Variants in MIB1 observed in about 807,000 individuals in gnomAD.
MIB1 encodes MIB E3 ubiquitin protein ligase 1.
A neutral mutation model predicts 124.5 loss-of-function variants in MIB1; 278 were observed. The observed-to-expected ratio is 2.23, with a 90% confidence interval of 2.02 to 2.47. The LOEUF is 2.47. Among genes scored for constraint, MIB1 ranks in the 30% most tolerant of loss-of-function variants. The pLI is 0.00. For synonymous variants in MIB1, 446 were observed against 429.4 expected (o/e 1.04, Z -0.48); for missense variants, 957 against 1,254.4 (o/e 0.76, Z 3.58).
At chr18:21,818,841 A>G (rs1025520958) in intron 11 of MIB1, among the ~76,000 whole-genome samples, 4 of 152,152 alleles carry the variant, frequency 2.6e-5, no homozygotes, top group African/African-American at 7.2e-5. Context: ...AGGCTGAGGC[A>G]GGAGAATCGC....
chr18:21,832,576 T>A (rs1476185703), intron 12 of MIB1, among the ~76,000 whole-genome samples: 1 of 152,170 alleles, frequency 6.6e-6, no homozygotes, highest in Non-Finnish European at 1.5e-5. Context: ...AGCTATACCT[T>A]GTTTTTTAAT....
At position 21,849,402 on chromosome 18, in the gene MIB1, A is replaced by C. The variant is rs2042163294; in HGVS notation, c.2586+14A>C. Reference sequence around the variant, plus strand: ...TCCAGGACAAAGGTAAGATATATTTAATATAGTATTTTGTCATTTTATGAA... The same window carrying C: ...TCCAGGACAAAGGTAAGATATATTTCATATAGTATTTTGTCATTTTATGAA... On this transcript the variant is annotated intron_variant, in intron 17 of 20. Coordinates refer to ENST00000261537, the MANE Select transcript of MIB1 (RefSeq NM_020774.4). The C allele has an allele frequency of 2.0e-6, 3 of 1,483,848 alleles. No individual in the cohort carries two copies. Among genetic ancestry groups the C allele is most frequent in the Non-Finnish European group, 2.7e-6 (3 of 1,097,236 alleles). 91.9% of individuals were successfully genotyped at this position (1,483,848 alleles called of 1,614,324 possible). A position where few individuals can be genotyped will look rare whatever the true frequency, so the allele number is the denominator to read the frequency against.
chr18:21,848,266 AC>A (rs2042151608), intron 16 of MIB1, among the ~76,000 whole-genome samples: 1 of 151,914 alleles, frequency 6.6e-6, no homozygotes, highest in South Asian at 2.1e-4. Flanking sequence ...GACCAGCCTG[AC>A]TAACATGGTG....
chr18:21,728,164 G>A (rs996673796), intron 1 of MIB1, among the ~76,000 whole-genome samples: 1 of 152,132 alleles, frequency 6.6e-6, no homozygotes, highest in African/African-American at 2.4e-5. Flanking sequence ...TCTCTTATCA[G>A]CAATTAAATA....
intron 13 of MIB1, among the ~76,000 whole-genome samples, chr18:21,840,665 A>AT (rs375520508): frequency 1.9e-3 from 6 of 3,138 alleles, no homozygotes; most frequent in African/African-American, 2.6e-3. Flanking sequence ...ATATATATAT[A>AT]TTTTTTTTTT....
At position 21,849,280 on chromosome 18, in the gene MIB1, G is replaced by A; in HGVS notation, c.2478G>A (p.Lys826=). ...AGTGTATGGTGTGCTCAGATATGAAGAGAGATACTCTTTTTGGTCCATGTG... is the reference window on the plus strand; with the variant it reads ...AGTGTATGGTGTGCTCAGATATGAAAAGAGATACTCTTTTTGGTCCATGTG... The part of the protein sequence containing the change: ...LEECMVCSDM[K]RDTLFGPCGH... Residue 826 remains lysine, a synonymous_variant, in exon 17 of 21, where the codon AAG becomes AAA. Coordinates refer to ENST00000261537, the MANE Select transcript of MIB1 (RefSeq NM_020774.4). 1 of 1,612,996 alleles carries A rather than the reference G, an allele frequency of 6.2e-7. No homozygotes were observed. The highest frequency in any genetic ancestry group is 2.2e-5 in the East Asian group (1 of 44,752).
At chr18:21,711,777 T>G (rs1210811441) in intron 1 of MIB1, among the ~76,000 whole-genome samples, 1 of 152,202 alleles carries the variant, frequency 6.6e-6, no homozygotes, top group Non-Finnish European at 1.5e-5. Context: ...TACTGCAGCC[T>G]CGACCTCCCA....
At chr18:21,815,912 A>T (rs1176366429) in intron 11 of MIB1, 99 bp downstream of exon 11, 1 of 1,066,512 alleles carries the variant, frequency 9.4e-7, no homozygotes, top group Non-Finnish European at 1.4e-6. Flanking sequence ...TACCGTTCTC[A>T]TATGTCATAG....
chr18:21,825,235 G>T (rs933929075), intron 12 of MIB1, among the ~76,000 whole-genome samples: 5 of 152,112 alleles, frequency 3.3e-5, no homozygotes, highest in Admixed American at 3.3e-4. Flanking sequence ...TACTATGGAA[G>T]ATAGTGACTA....
At chr18:21,815,045 ATATATATATAT>A (rs2041815920) in intron 10 of MIB1, among the ~76,000 whole-genome samples, 1 of 130,856 alleles carries the variant, frequency 7.6e-6, no homozygotes, top group Non-Finnish European at 1.6e-5. Flanking sequence ...ATATATATAT[ATATATATATAT>A]AAAATTATAT....
chr18:21,773,784 C>G, intron 4 of MIB1, 56 bp downstream of exon 4: 1 of 987,984 alleles, frequency 1.0e-6, no homozygotes, highest in Non-Finnish European at 1.5e-6. Flanking sequence ...GTGAATAGCT[C>G]TTACTGCTCT....
At chr18:21,820,197 G>A (rs1418163348) in intron 12 of MIB1, among the ~76,000 whole-genome samples, 4 of 152,218 alleles carry the variant, frequency 2.6e-5, no homozygotes, top group East Asian at 1.9e-4. Flanking sequence ...AAGGATCTGC[G>A]GTGTCCCACA....
intron 12 of MIB1, among the ~76,000 whole-genome samples, chr18:21,835,840 A>ACACACACGCAAACAC (rs1555695330): frequency 9.3e-6 from 1 of 108,056 alleles, no homozygotes; most frequent in Non-Finnish European, 1.8e-5. Context: ...CACACACACA[A>ACACACACGCAAACAC]ACACACACGA....
At chr18:21,724,727 A>AATATAT (rs60650753) in intron 1 of MIB1, among the ~76,000 whole-genome samples, 263 of 17,338 alleles carry the variant, frequency 0.015, 8 homozygotes, top group East Asian at 0.028. Context: ...AAAAAAAAAA[A>AATATAT]ATATATATAT....
At chr18:21,721,170 T>G (rs1263247124) in intron 1 of MIB1, among the ~76,000 whole-genome samples, 4 of 98,504 alleles carry the variant, frequency 4.1e-5, no homozygotes, top group South Asian at 4.1e-4. Flanking sequence ...TTTTTTTTTT[T>G]TTTTTTTTTT....
intron 1 of MIB1, among the ~76,000 whole-genome samples, chr18:21,729,709 C>T (rs915916228): frequency 3.9e-5 from 6 of 152,080 alleles, no homozygotes; most frequent in African/African-American, 9.7e-5. Flanking sequence ...AGGCTGGTCT[C>T]GAACTCCTGG....
intron 16 of MIB1, among the ~76,000 whole-genome samples, chr18:21,847,951 G>A (rs1021359822): frequency 9.9e-5 from 15 of 152,174 alleles, no homozygotes; most frequent in Admixed American, 3.9e-4. Flanking sequence ...CTGTGCAACT[G>A]TTGTTGCCCT....
At chr18:21,834,214 T>A (rs1165303934) in intron 12 of MIB1, among the ~76,000 whole-genome samples, 3 of 152,196 alleles carry the variant, frequency 2.0e-5, no homozygotes, top group Non-Finnish European at 4.4e-5. Context: ...GTGAGAGTGA[T>A]GGGACCAGAA....
intron 11 of MIB1, among the ~76,000 whole-genome samples, chr18:21,818,002 A>G (rs2041845260): frequency 6.6e-6 from 1 of 152,266 alleles, no homozygotes; most frequent in Admixed American, 6.5e-5. Flanking sequence ...ATGAATAAAA[A>G]CTTACTGCTA....
Sources: allele counts gnomAD v4.1 joint callset (sites outside exome capture counted in the v4.1 genomes callset), GRCh38; gene constraint gnomAD v4.1.1; transcripts MANE v1.5; gene names NCBI Gene and HGNC (gene_info 2026-07-23, HGNC 2026-07-21).